Variants in TEC observed in about 807,000 individuals in gnomAD.
The protein encoded by TEC is tec protein tyrosine kinase.
A neutral mutation model predicts 93.0 loss-of-function variants in TEC; 72 were observed. That is an observed-to-expected ratio of 0.77 (90% confidence interval 0.64 to 0.94). The LOEUF is 0.94. TEC is among the 40% of genes least tolerant of loss of function. TEC has a pLI of 0.00. For synonymous variants in TEC, 249 were observed against 247.7 expected (o/e 1.01, Z -0.05); for missense variants, 630 against 757.9 (o/e 0.83, Z 1.98).
chr4:48,236,032 C>A (rs2704409), intron 1 of TEC, among the ~76,000 whole-genome samples: 42,577 of 151,972 alleles, frequency 0.28, 8,821 homozygotes, highest in African/African-American at 0.56. Flanking sequence ...GGTGTCACTT[C>A]CAGTCTCCTA....
chr4:48,177,253 A>C (rs1721369044), intron 2 of TEC, among the ~76,000 whole-genome samples: 1 of 152,272 alleles, frequency 6.6e-6, no homozygotes, highest in Non-Finnish European at 1.5e-5. Flanking sequence ...ATGTAGAAAT[A>C]AAAAATATTT....
intron 2 of TEC, among the ~76,000 whole-genome samples, chr4:48,198,269 G>A (rs1175963971): frequency 6.6e-6 from 1 of 152,234 alleles, no homozygotes; most frequent in Non-Finnish European, 1.5e-5. Context: ...CTGGACATGG[G>A]TCAGACAAGA....
chr4:48,254,559 G>A (rs936441256), intron 1 of TEC, among the ~76,000 whole-genome samples: 1 of 152,224 alleles, frequency 6.6e-6, no homozygotes, highest in African/African-American at 2.4e-5. Flanking sequence ...TAGAAAGACA[G>A]TTGATTAGAA....
chr4:48,201,271 G>T (rs1019352903), intron 2 of TEC, among the ~76,000 whole-genome samples: 2 of 152,156 alleles, frequency 1.3e-5, no homozygotes, highest in African/African-American at 4.8e-5. Context: ...AGGGGTGGGG[G>T]ACATCTTGAG....
At chr4:48,221,388 C>T (rs181995363) in intron 2 of TEC, among the ~76,000 whole-genome samples, 2 of 152,106 alleles carry the variant, frequency 1.3e-5, no homozygotes, top group Admixed American at 6.5e-5. Flanking sequence ...GGGCTTTTCC[C>T]GCTTTGCTCA....
intron 1 of TEC, among the ~76,000 whole-genome samples, chr4:48,239,907 G>A (rs73817610): frequency 8.6e-5 from 13 of 151,886 alleles, no homozygotes; most frequent in Non-Finnish European, 1.2e-4. Context: ...AAGGTTCATC[G>A]GTAATATTTG....
intron 7 of TEC, among the ~76,000 whole-genome samples, chr4:48,164,975 C>A (rs570919794): frequency 3.9e-5 from 6 of 152,146 alleles, no homozygotes; most frequent in Non-Finnish European, 7.4e-5. Context: ...TGCACTCCAG[C>A]ACTCCAGCCT....
At chr4:48,264,237 G>C (rs969374371) in intron 1 of TEC, among the ~76,000 whole-genome samples, 1 of 152,068 alleles carries the variant, frequency 6.6e-6, no homozygotes, top group Admixed American at 6.5e-5. Context: ...ATAAAAAGAG[G>C]GGTGGGCTAA....
At chr4:48,172,730 G>A (rs932615500) in intron 3 of TEC, among the ~76,000 whole-genome samples, 1 of 152,138 alleles carries the variant, frequency 6.6e-6, no homozygotes, top group Non-Finnish European at 1.5e-5. Context: ...GACAAATATA[G>A]AAATACCTTA....
At chr4:48,138,519 T>C (rs1719522477) in intron 17 of TEC, 146 bp downstream of exon 17, 1 of 830,310 alleles carries the variant, frequency 1.2e-6, no homozygotes, top group Non-Finnish European at 1.8e-6. Flanking sequence ...ATTCAGAACT[T>C]GAGTTGAGAG....
intron 2 of TEC, among the ~76,000 whole-genome samples, chr4:48,199,455 CTTTTTTT>C (rs34965891): frequency 1.3e-4 from 9 of 67,358 alleles, no homozygotes; most frequent in Admixed American, 2.6e-4. Flanking sequence ...GATTTTCTTT[CTTTTTTT>C]TTTTTTTTTT....
intron 2 of TEC, among the ~76,000 whole-genome samples, chr4:48,216,548 G>C (rs1192586677): frequency 6.6e-6 from 1 of 151,856 alleles, no homozygotes; most frequent in Non-Finnish European, 1.5e-5. Flanking sequence ...TTCAAATTAA[G>C]ACAATTTTTT....
intron 8 of TEC, among the ~76,000 whole-genome samples, chr4:48,160,258 T>C (rs1172207243): frequency 1.3e-5 from 2 of 152,202 alleles, no homozygotes; most frequent in African/African-American, 2.4e-5. Flanking sequence ...ATGGTTCCTA[T>C]TGACCTTTTA....
chr4:48,265,042 C>T (rs1290588594), intron 1 of TEC, among the ~76,000 whole-genome samples: 4 of 151,826 alleles, frequency 2.6e-5, no homozygotes, highest in South Asian at 2.1e-4. Flanking sequence ...GAAACCTAAA[C>T]AAATGAAAAG....
intron 1 of TEC, among the ~76,000 whole-genome samples, chr4:48,251,506 C>G (rs1035954990): frequency 3.3e-5 from 5 of 152,104 alleles, no homozygotes; most frequent in African/African-American, 1.2e-4. Context: ...TGACACTTTT[C>G]TTGATTATGT....
chr4:48,149,523 T>G (rs767168259), intron 11 of TEC, 34 bp downstream of exon 11: 2 of 1,557,484 alleles, frequency 1.3e-6, no homozygotes, highest in East Asian at 4.7e-5. Context: ...AATCACTACC[T>G]TATATTTGAA....
chr4:48,260,245 C>A (rs1299952755), intron 1 of TEC, among the ~76,000 whole-genome samples: 1 of 152,180 alleles, frequency 6.6e-6, no homozygotes, highest in African/African-American at 2.4e-5. Flanking sequence ...GGAAACTTCA[C>A]ATTGCTAGTG....
intron 2 of TEC, among the ~76,000 whole-genome samples, chr4:48,194,649 G>T (rs554305873): frequency 1.3e-5 from 2 of 152,208 alleles, no homozygotes; most frequent in East Asian, 1.9e-4. Context: ...ATGAGAGTTG[G>T]GGGGAGTGAG....
intron 2 of TEC, among the ~76,000 whole-genome samples, chr4:48,179,365 TATATATATATA>T (rs1269315858): frequency 3.2e-3 from 130 of 40,292 alleles, no homozygotes; most frequent in Non-Finnish European, 4.0e-3. Flanking sequence ...TATATATATA[TATATATATATA>T]TTTTTTTTTT....
Sources: gnomAD v4.1 joint callset for allele counts (sites outside exome capture counted in the v4.1 genomes callset) on GRCh38, gnomAD v4.1.1 for gene constraint, MANE v1.5 for transcripts, NCBI Gene and HGNC (gene_info 2026-07-23, HGNC 2026-07-21) for gene names.